The following GABRB2 variants were observed in gnomAD, a reference collection of about 807,000 sequenced individuals.
GABRB2 encodes gamma-aminobutyric acid type A receptor subunit beta2.
In GABRB2, 16 loss-of-function variants were observed where a neutral mutation model predicts 54.7. That is an observed-to-expected ratio of 0.29 (90% CI 0.20 to 0.44). The LOEUF is 0.44. Ranked by LOEUF, GABRB2 falls within the 20% of genes least tolerant of loss-of-function variation. The pLI is 1.00. For missense variants in GABRB2, 355 were observed against 644.0 expected (o/e 0.55, Z 4.86); for synonymous variants, 244 against 233.8 (o/e 1.04, Z -0.40).
At chr5:161,354,689 C>T (rs1208535332) in intron 5 of GABRB2, among the ~76,000 whole-genome samples, 1 of 151,990 alleles carries the variant, frequency 6.6e-6, no homozygotes, top group East Asian at 1.9e-4. Flanking sequence ...CTAACTATGG[C>T]ACCTTGCTCA....
At chr5:161,447,193 G>C (rs1275227246) in intron 4 of GABRB2, among the ~76,000 whole-genome samples, 1 of 152,122 alleles carries the variant, frequency 6.6e-6, no homozygotes, top group East Asian at 1.9e-4. Context: ...GGAAACTGAA[G>C]CTTAGAAAGA....
At chr5:161,479,144 T>C (rs971672470) in intron 3 of GABRB2, among the ~76,000 whole-genome samples, 1 of 152,014 alleles carries the variant, frequency 6.6e-6, no homozygotes, top group Non-Finnish European at 1.5e-5. Context: ...GAAACATAAA[T>C]GCATATGACT....
chr5:161,463,552 TA>T lies in GABRB2; in HGVS notation c.238-3709del, dbSNP rs1463838899. ...TTGACAAGGTGATTCCAAATATTTTTATTTATATATATATATATATATATAT... is the reference window on the plus strand; with the variant it reads ...TTGACAAGGTGATTCCAAATATTTTTTTTATATATATATATATATATATAT... On this transcript the variant is annotated intron_variant, in intron 3 of 9. Coordinates refer to ENST00000393959, the MANE Select transcript of GABRB2 (RefSeq NM_001371727.1). 1.9e-3 allele frequency among the ~76,000 whole-genome samples: 36 copies of T among 19,228 alleles called. 1 individual carries two copies. Among genetic ancestry groups the T allele is most frequent in the African/African-American group, 5.1e-3 (32 of 6,298 alleles). The allele number at this position is 19,228 out of a possible 152,430, so 12.6% of individuals were successfully genotyped here.
chr5:161,441,134 C>T (rs1757454817), intron 4 of GABRB2, among the ~76,000 whole-genome samples: 1 of 152,112 alleles, frequency 6.6e-6, no homozygotes, highest in South Asian at 2.1e-4. Context: ...AGTTAAAAAG[C>T]ATCTGCACAG....
chr5:161,417,106 A>G (rs1308581933), intron 4 of GABRB2, among the ~76,000 whole-genome samples: 7 of 152,148 alleles, frequency 4.6e-5, no homozygotes, highest in Admixed American at 6.5e-5. Flanking sequence ...AAATTCTCCA[A>G]GAAGACTTGA....
At chr5:161,373,770 A>G (rs1755201058) in intron 5 of GABRB2, among the ~76,000 whole-genome samples, 1 of 152,104 alleles carries the variant, frequency 6.6e-6, no homozygotes, top group Admixed American at 6.6e-5. Flanking sequence ...TTTATGGTCC[A>G]ACTCATCAGT....
intron 3 of GABRB2, among the ~76,000 whole-genome samples, chr5:161,505,556 A>C (rs1759580329): frequency 6.6e-6 from 1 of 152,192 alleles, no homozygotes; most frequent in Non-Finnish European, 1.5e-5. Flanking sequence ...AAATATTTAC[A>C]AAAAAATTAA....
Position 161,488,880 on chromosome 5 carries a change from C to T in GABRB2, c.238-29036G>A, listed in dbSNP as rs1327691356. 5.9e-5 allele frequency among the ~76,000 whole-genome samples: 9 copies of T among 151,890 alleles called. No individual in the cohort carries two copies. The East Asian group carries it at 1.7e-3, about 30-fold the overall frequency. ...TTCCTAGCTAGGAAAAAATAGTTAG[C>T]AAGCTCATGAACCAAAAATGTGTTC... is the stretch of plus-strand genomic sequence containing the variant. On this transcript the variant is annotated intron_variant, in intron 3 of 9. Coordinates refer to ENST00000393959, the MANE Select transcript of GABRB2 (RefSeq NM_001371727.1).
At chr5:161,308,533 A>G (rs1757768003) in intron 9 of GABRB2, among the ~76,000 whole-genome samples, 1 of 152,240 alleles carries the variant, frequency 6.6e-6, no homozygotes, top group African/African-American at 2.4e-5. Context: ...CTAAAGTACC[A>G]AAAAGGAGCC....
At chr5:161,348,234 A>C (rs968940977) in intron 5 of GABRB2, among the ~76,000 whole-genome samples, 1 of 152,116 alleles carries the variant, frequency 6.6e-6, no homozygotes, top group African/African-American at 2.4e-5. Flanking sequence ...TTAAAACATA[A>C]ATTTAAAAAT....
rs1049938370 is a variant in GABRB2, at chr5:161,317,144, C to G, written c.1191+9224G>C. 2.6e-5 allele frequency among the ~76,000 whole-genome samples: 4 copies of G among 151,972 alleles called. No individual in the cohort carries two copies. The East Asian group carries it at 7.7e-4, about 29-fold the overall frequency. Reference sequence around the variant, plus strand: ...GCAAGAATATGCACACAGACACACACTCACACGCTTATGTATTTTAAAAGT... The same window carrying G: ...GCAAGAATATGCACACAGACACACAGTCACACGCTTATGTATTTTAAAAGT... On this transcript the variant is annotated intron_variant, in intron 9 of 9. Transcript: ENST00000393959.
intron 3 of GABRB2, among the ~76,000 whole-genome samples, chr5:161,465,702 C>A (rs1404530135): frequency 6.6e-6 from 1 of 151,900 alleles, no homozygotes; most frequent in Non-Finnish European, 1.5e-5. Flanking sequence ...TTTATTTGGA[C>A]ATTTACTTCT....
intron 9 of GABRB2, among the ~76,000 whole-genome samples, chr5:161,298,851 G>A (rs182770065): frequency 1.3e-5 from 2 of 152,292 alleles, no homozygotes; most frequent in East Asian, 3.9e-4. Context: ...TCCCTGTGGG[G>A]CAGGCACTGA....
intron 5 of GABRB2, among the ~76,000 whole-genome samples, chr5:161,409,445 T>A (rs1561640278): frequency 6.6e-6 from 1 of 152,094 alleles, no homozygotes; most frequent in Non-Finnish European, 1.5e-5. Flanking sequence ...TAATTAGGCA[T>A]CCATTCTTTA....
rs190138419 is a variant in GABRB2, at chr5:161,497,270, G to C, written c.238-37426C>G. The stretch of plus-strand genomic sequence containing the variant: ...CTTAGAAACAGTTCTCTTAACATCT[G>C]GCAAACCTCTCCCAAACCCTGATCT... On this transcript the variant is annotated intron_variant, in intron 3 of 9. Coordinates refer to ENST00000393959, the MANE Select transcript of GABRB2 (RefSeq NM_001371727.1). 3.0e-4 allele frequency among the ~76,000 whole-genome samples: 46 copies of C among 152,142 alleles called. 1 individual carries two copies. Among genetic ancestry groups the C allele is most frequent in the Non-Finnish European group, 6.3e-4 (43 of 68,002 alleles).
At chr5:161,385,252 T>A (rs1196276123) in intron 5 of GABRB2, among the ~76,000 whole-genome samples, 1 of 152,164 alleles carries the variant, frequency 6.6e-6, no homozygotes, top group South Asian at 2.1e-4. Flanking sequence ...CTGCACATAT[T>A]CCCCACTGAA....
intron 3 of GABRB2, among the ~76,000 whole-genome samples, chr5:161,483,624 C>T (rs958300638): frequency 3.3e-5 from 5 of 151,864 alleles, no homozygotes; most frequent in African/African-American, 1.2e-4. Context: ...TCAGAAAGGC[C>T]TACTGTTAAA....
chr5:161,334,974 A>C, intron 6 of GABRB2, 70 bp from the exon 7 acceptor site: 1 of 1,448,012 alleles, frequency 6.9e-7, no homozygotes, highest in Non-Finnish European at 9.6e-7. Flanking sequence ...TTAAAGGTGC[A>C]TAAACAGTAC....
In GABRB2 at chr5:161,515,506, G is replaced by GA. The variant is rs200712344; in HGVS notation, c.237+29720dup. Among the ~76,000 whole-genome samples, 482 of 149,702 alleles carry GA rather than the reference G, an allele frequency of 3.2e-3. 3 individuals carry two copies. The highest frequency in any genetic ancestry group is 5.3e-3 in the Admixed American group (79 of 14,990). The stretch of plus-strand genomic sequence containing the variant: ...CCTAAGCACTTTAATTAGCTAAAAA[G>GA]AAAAAAAAAGGATGTTTAAGGTCTG... On this transcript the variant is annotated intron_variant, in intron 3 of 9. Transcript: ENST00000393959.
Sources: allele counts gnomAD v4.1 joint callset (sites outside exome capture counted in the v4.1 genomes callset), GRCh38; gene constraint gnomAD v4.1.1; transcripts MANE v1.5; gene names NCBI Gene and HGNC (gene_info 2026-07-23, HGNC 2026-07-21).